Variants in PTPRK observed in about 807,000 individuals in gnomAD.
PTPRK encodes protein tyrosine phosphatase receptor type K.
A neutral mutation model predicts 178.0 loss-of-function variants in PTPRK; 75 were observed. The ratio of observed to expected loss-of-function variants is 0.42; its 90% CI spans 0.35 to 0.51. The LOEUF (loss-of-function observed/expected upper bound fraction) is 0.51. PTPRK is among the 20% of genes least tolerant of loss of function. The probability of loss-of-function intolerance (pLI) is 0.02; values close to 1 mark genes in which losing one functional copy is unlikely to be tolerated. For synonymous variants in PTPRK, 637 were observed against 620.6 expected, an observed-to-expected ratio of 1.03 and a Z score of -0.39; for missense variants, 1,441 against 1,797.8, an observed-to-expected ratio of 0.80 and a Z score of 3.59.
At chr6:128,387,721 C>G (rs1547759) in intron 2 of PTPRK, among the ~76,000 whole-genome samples, 143,848 of 152,158 alleles carry the variant, frequency 0.95, 68,497 homozygotes, top group East Asian at 1. Context: ...AAACAAGAGA[C>G]AATGAAAAAT....
rs1042929874 is a variant in PTPRK, at chr6:127,985,639, G to A, written c.3251+82C>T. On this transcript the variant is annotated intron_variant, in intron 22 of 29. Coordinates refer to ENST00000368226, the MANE Select transcript of PTPRK (RefSeq NM_002844.4). ...GCTGGAACTTCGTAAGCACACATTAGTTTTTGTGCTCAAAAGCCTTGTCTT... is the reference window on the plus strand; with the variant it reads ...GCTGGAACTTCGTAAGCACACATTAATTTTTGTGCTCAAAAGCCTTGTCTT... 3.6e-6 allele frequency: 5 copies of A among 1,399,206 alleles called. No individual in the cohort carries two copies. In the African/African-American group the frequency reaches 5.7e-5, roughly 16 times the overall value. 86.7% of individuals were successfully genotyped at this position (1,399,206 alleles called of 1,614,324 possible). A position where few individuals can be genotyped will look rare whatever the true frequency, so the allele number is the denominator to read the frequency against.
chr6:128,016,858 ACAGCCACTTCTGTCCTATAT>A (rs1779649476), intron 13 of PTPRK, among the ~76,000 whole-genome samples: 2 of 151,964 alleles, frequency 1.3e-5, no homozygotes, highest in African/African-American at 4.8e-5. Context: ...AATGATCTAC[ACAGCCACTTCTGTCCTATAT>A]CAAAATTACG....
At chr6:128,095,317 C>A (rs1787734421) in intron 7 of PTPRK, among the ~76,000 whole-genome samples, 1 of 152,148 alleles carries the variant, frequency 6.6e-6, no homozygotes, top group African/African-American at 2.4e-5. Flanking sequence ...CAACTTATAA[C>A]TTTAGAAACA....
chr6:128,197,839 C>T (rs937500153), intron 6 of PTPRK, among the ~76,000 whole-genome samples: 14 of 152,118 alleles, frequency 9.2e-5, no homozygotes, highest in Non-Finnish European at 2.9e-5. Context: ...TCTGATAGCA[C>T]TCGCATTGAG....
intron 24 of PTPRK, among the ~76,000 whole-genome samples, chr6:127,982,191 CA>C (rs1775422782): frequency 1.3e-5 from 2 of 152,006 alleles, no homozygotes; most frequent in East Asian, 3.9e-4. Flanking sequence ...TGACCCAGGT[CA>C]AAATCTGTAT....
At chr6:128,497,472 T>C (rs1854857498) in intron 1 of PTPRK, among the ~76,000 whole-genome samples, 1 of 152,174 alleles carries the variant, frequency 6.6e-6, no homozygotes, top group African/African-American at 2.4e-5. Context: ...GAACACAAAC[T>C]AGACAGAAAA....
At chr6:128,015,285 T>C (rs1362385265) in intron 13 of PTPRK, among the ~76,000 whole-genome samples, 1 of 151,766 alleles carries the variant, frequency 6.6e-6, no homozygotes, top group Non-Finnish European at 1.5e-5. Context: ...TTTTGTTTCA[T>C]AGTAATGAAG....
intron 3 of PTPRK, among the ~76,000 whole-genome samples, chr6:128,305,914 T>A (rs1826307253): frequency 6.6e-6 from 1 of 152,218 alleles, no homozygotes; most frequent in African/African-American, 2.4e-5. Context: ...CTAACACAGC[T>A]ATGAAGAAAT....
chr6:128,152,341 A>G lies in PTPRK; in HGVS notation c.1162+32091T>C, dbSNP rs1314633850. Among the ~76,000 whole-genome samples the G allele has an allele frequency of 2.0e-5, 3 of 152,010 alleles. No homozygotes were observed. The South Asian group carries it at 6.2e-4, about 31-fold the overall frequency. On this transcript the variant is annotated intron_variant, in intron 7 of 29. Coordinates refer to ENST00000368226, the MANE Select transcript of PTPRK (RefSeq NM_002844.4). ...AGTACTGATGGTAAACTAGATGTCT[A>G]CTAGAACCAATGAGCACAGTGACAG...
intron 13 of PTPRK, among the ~76,000 whole-genome samples, chr6:128,058,230 T>C (rs765124796): frequency 6.6e-6 from 1 of 152,234 alleles, no homozygotes; most frequent in South Asian, 2.1e-4. Context: ...TCCATGTTGC[T>C]AGACAGTTTT....
chr6:128,141,553 G>T (rs1156910713), intron 7 of PTPRK, among the ~76,000 whole-genome samples: 1 of 151,612 alleles, frequency 6.6e-6, no homozygotes, highest in Non-Finnish European at 1.5e-5. Flanking sequence ...ATCCTGTTGA[G>T]ATTTGGAGTA....
intron 2 of PTPRK, among the ~76,000 whole-genome samples, chr6:128,354,229 A>ATTTTTTTTTTTTT (rs1201996929): frequency 2.5e-4 from 7 of 27,736 alleles, no homozygotes; most frequent in East Asian, 1.1e-3. Context: ...TTTTTTGTTT[A>ATTTTTTTTTTTTT]TGTTTTTTTT....
At chr6:128,265,657 G>A (rs1354095467) in intron 3 of PTPRK, among the ~76,000 whole-genome samples, 1 of 152,092 alleles carries the variant, frequency 6.6e-6, no homozygotes, top group East Asian at 1.9e-4. Context: ...TCATCAAATG[G>A]AATTACCTTT....
chr6:128,202,505 C>T (rs902866239), intron 6 of PTPRK, among the ~76,000 whole-genome samples: 14 of 152,092 alleles, frequency 9.2e-5, no homozygotes, highest in Non-Finnish European at 1.5e-4. Flanking sequence ...CTCCTAGGAG[C>T]GGGGCTGAAT....
intron 5 of PTPRK, chr6:128,235,558 C>T (rs200322049): frequency 1.4e-5 from 7 of 508,634 alleles, no homozygotes; most frequent in Non-Finnish European, 2.8e-5. Flanking sequence ...TCCAAGGTCG[C>T]ACTTTGGGCA....
intron 1 of PTPRK, among the ~76,000 whole-genome samples, chr6:128,503,529 C>T (rs754120093): frequency 3.9e-5 from 6 of 152,258 alleles, no homozygotes; most frequent in Non-Finnish European, 7.4e-5. Context: ...AATCATTTTG[C>T]CCTCTGTGCT....
chr6:128,147,987 G>GA (rs11431379), intron 7 of PTPRK, among the ~76,000 whole-genome samples: 4,536 of 150,888 alleles, frequency 0.03, 176 homozygotes, highest in African/African-American at 0.073. Flanking sequence ...ATGTGATGGA[G>GA]AAAAAAAAAC....
chr6:128,443,544 T>A lies in PTPRK; in HGVS notation c.101-45856A>T, dbSNP rs1456040063. 2.0e-5 allele frequency among the ~76,000 whole-genome samples: 3 copies of A among 152,148 alleles called. No individual in the cohort carries two copies. The East Asian group carries it at 5.8e-4, about 29-fold the overall frequency. On this transcript the variant is annotated intron_variant, in intron 1 of 29. Coordinates refer to ENST00000368226, the MANE Select transcript of PTPRK (RefSeq NM_002844.4). Reference sequence around the variant, plus strand: ...CTAGATTAGGGAGCAAGTATAGTCATCCAAGTGGCAGAGACTAAAACGGTG... The same window carrying A: ...CTAGATTAGGGAGCAAGTATAGTCAACCAAGTGGCAGAGACTAAAACGGTG...
intron 7 of PTPRK, among the ~76,000 whole-genome samples, chr6:128,182,076 A>C (rs1252131400): frequency 6.6e-6 from 1 of 152,136 alleles, no homozygotes; most frequent in Non-Finnish European, 1.5e-5. Context: ...TTAATTAGCT[A>C]TAATAAACAT....
Sources: gnomAD v4.1 joint callset for allele counts (sites outside exome capture counted in the v4.1 genomes callset) on GRCh38, gnomAD v4.1.1 for gene constraint, MANE v1.5 for transcripts, NCBI Gene and HGNC (gene_info 2026-07-23, HGNC 2026-07-21) for gene names.